NCK2: variants seen among roughly 807,000 people sequenced by gnomAD.
NCK2 encodes the protein NCK adaptor protein 2, also known as cytoplasmic protein NCK2.
Under a neutral mutation model 33.9 loss-of-function variants are expected in NCK2, and 16 were observed. The ratio of observed to expected loss-of-function variants is 0.47; its 90% CI spans 0.32 to 0.72. NCK2 has a LOEUF of 0.72. NCK2 is among the 30% of genes least tolerant of loss of function. The pLI, the probability that NCK2 is intolerant of heterozygous loss-of-function variation, is 0.03. For synonymous variants in NCK2, 273 were observed against 239.9 expected (o/e 1.14, Z -1.27); for missense variants, 418 against 537.3 (o/e 0.78, Z 2.19).
At chr2:105,749,546 T>C (rs1689386234) in intron 1 of NCK2, among the ~76,000 whole-genome samples, 1 of 152,162 alleles carries the variant, frequency 6.6e-6, no homozygotes, top group Non-Finnish European at 1.5e-5. Context: ...GAATTTAGGT[T>C]AAGTCCTTCT....
intron 3 of NCK2, among the ~76,000 whole-genome samples, chr2:105,858,543 A>G (rs953185210): frequency 2.6e-5 from 4 of 152,174 alleles, no homozygotes; most frequent in Non-Finnish European, 5.9e-5. Flanking sequence ...GAGTCCACCT[A>G]ATTCATAAAT....
Position 105,893,156 on chromosome 2 carries a change from C to T in NCK2, c.1123C>T (p.Leu375Phe). 1 of 1,605,258 alleles carries T rather than the reference C, an allele frequency of 6.2e-7. No homozygotes were observed. Among genetic ancestry groups the T allele is most frequent in the Non-Finnish European group, 8.5e-7 (1 of 1,175,786 alleles). ...CAGCGAGCACGGGGAGAAGCTCTAC[C>T]TCGTCAGGGCCCTGCAGTGACGGCG... ...FTSEHGEKLY[L>F]VRALQ The change falls in exon 5 of 5, where the codon CTC (leucine) becomes TTC (phenylalanine). Residue 375 changes from leucine (L) to phenylalanine (F), a missense_variant. Transcript: ENST00000233154.
At position 105,830,053 on chromosome 2, in the gene NCK2, G is replaced by A. The variant is rs899198775; in HGVS notation, c.-17+13440G>A. Among the ~76,000 whole-genome samples, 4 of 152,062 alleles carry A rather than the reference G, an allele frequency of 2.6e-5. No homozygotes were observed. The South Asian group carries it at 8.3e-4, about 32-fold the overall frequency. On this transcript the variant is annotated intron_variant, in intron 2 of 4. Transcript: ENST00000233154. The stretch of plus-strand genomic sequence containing the variant: ...TATAGTGTGTAATGATCAAATCAGG[G>A]TAATTAGCATATTCATTCCCTCAAA...
chr2:105,790,221 A>G (rs1690832261), intron 1 of NCK2, among the ~76,000 whole-genome samples: 1 of 152,250 alleles, frequency 6.6e-6, no homozygotes, highest in Non-Finnish European at 1.5e-5. Context: ...AATAGTGTGC[A>G]TGTCATTAGG....
At chr2:105,890,247 A>G (rs1180072079) in intron 4 of NCK2, among the ~76,000 whole-genome samples, 1 of 152,154 alleles carries the variant, frequency 6.6e-6, no homozygotes, top group Non-Finnish European at 1.5e-5. Flanking sequence ...CACACACACC[A>G]TGATGTTAAA....
At chr2:105,879,706 G>T (rs1445026413) in intron 3 of NCK2, among the ~76,000 whole-genome samples, 1 of 152,244 alleles carries the variant, frequency 6.6e-6, no homozygotes, top group Non-Finnish European at 1.5e-5. Context: ...GCAGTGGGAG[G>T]GGGGCAGCAG....
intron 3 of NCK2, among the ~76,000 whole-genome samples, chr2:105,861,578 A>C (rs1185110675): frequency 3.3e-5 from 5 of 149,258 alleles, no homozygotes; most frequent in East Asian, 3.9e-4. Context: ...GCAGTGGCAC[A>C]ATCTCGGCTC....
rs1211898055 is a variant in NCK2, at chr2:105,852,920, G to GCTTTCCTC, written c.-16-2124_-16-2117dup. On this transcript the variant is annotated intron_variant, in intron 2 of 4. Coordinates refer to ENST00000233154, the MANE Select transcript of NCK2 (RefSeq NM_003581.5). ...TGAATATTGTATATATTATGCAGAG[G>GCTTTCCTC]CTTTCCTCCTTCCCAAAAGGTTTGT... 3.3e-5 allele frequency among the ~76,000 whole-genome samples: 5 copies of GCTTTCCTC among 152,114 alleles called. No homozygotes were observed. The East Asian group carries it at 9.6e-4, about 29-fold the overall frequency.
Position 105,776,894 on chromosome 2 carries a change from T to C in NCK2, c.-201+31756T>C, listed in dbSNP as rs114862238. Among the ~76,000 whole-genome samples, 1,159 of 151,764 alleles carry C rather than the reference T, an allele frequency of 7.6e-3. 20 individuals carry two copies. Among genetic ancestry groups the C allele is most frequent in the African/African-American group, 0.026 (1,076 of 41,376 alleles). ...TGGCCTTGGGGTTCTTCCTGACCCC[T>C]TGGAGCCTCTCTCAGTAAATGGAAA... On this transcript the variant is annotated intron_variant, in intron 1 of 4. Transcript: ENST00000233154.
intron 3 of NCK2, among the ~76,000 whole-genome samples, chr2:105,869,854 A>G (rs1368237394): frequency 1.3e-5 from 2 of 152,192 alleles, no homozygotes; most frequent in African/African-American, 4.8e-5. Flanking sequence ...CTTCATTGGC[A>G]TCTGTGTTCC....
At chr2:105,869,523 C>T (rs986327820) in intron 3 of NCK2, among the ~76,000 whole-genome samples, 1 of 152,234 alleles carries the variant, frequency 6.6e-6, no homozygotes. Context: ...GAAGCTGGCA[C>T]AAGTACGGTT....
chr2:105,876,628 C>T (rs1678244699), intron 3 of NCK2, among the ~76,000 whole-genome samples: 1 of 152,184 alleles, frequency 6.6e-6, no homozygotes, highest in Non-Finnish European at 1.5e-5. Context: ...ATTTGCCTGT[C>T]TTGTTGAGAA....
intron 3 of NCK2, among the ~76,000 whole-genome samples, chr2:105,874,524 T>C (rs1304115854): frequency 2.0e-5 from 3 of 152,270 alleles, no homozygotes; most frequent in African/African-American, 7.2e-5. Flanking sequence ...TGATTAAATT[T>C]GGTTTATGTT....
intron 4 of NCK2, among the ~76,000 whole-genome samples, chr2:105,884,762 C>A (rs1260420461): frequency 6.6e-6 from 1 of 152,204 alleles, no homozygotes; most frequent in African/African-American, 2.4e-5. Context: ...TCTTTCCTGT[C>A]CTGAACTTCA....
rs141402295 is a variant in NCK2, at chr2:105,834,867, G to A, written c.-17+18254G>A. On this transcript the variant is annotated intron_variant, in intron 2 of 4. Transcript: ENST00000233154. ...ATTTTATTTTTATTTTTGTAGAGAT[G>A]GGGTCTCATTGTATTGCCCAGGCTG... Among the ~76,000 whole-genome samples the A allele has an allele frequency of 1.1e-4, 16 of 151,812 alleles. No individual in the cohort carries two copies. The East Asian group carries it at 3.1e-3, about 30-fold the overall frequency.
intron 3 of NCK2, among the ~76,000 whole-genome samples, chr2:105,871,368 C>T (rs1008599832): frequency 2.0e-5 from 3 of 152,034 alleles, no homozygotes; most frequent in Non-Finnish European, 2.9e-5. Context: ...GTGCTCCGCA[C>T]GCTTTGGGAT....
chr2:105,769,647 G>A (rs1163053667), intron 1 of NCK2, among the ~76,000 whole-genome samples: 3 of 152,148 alleles, frequency 2.0e-5, no homozygotes, highest in Non-Finnish European at 4.4e-5. Context: ...GGAACCATGG[G>A]GTAATTAGAG....
intron 4 of NCK2, among the ~76,000 whole-genome samples, chr2:105,886,780 G>A (rs183039233): frequency 8.5e-4 from 129 of 152,314 alleles, no homozygotes; most frequent in African/African-American, 3.0e-3. Context: ...GGGATAGGGA[G>A]GGCTAACCAC....
Position 105,893,305 on chromosome 2 carries a change from C to A in NCK2, c.*129C>A. ...TGCGAGTCTCTCTTTATGTTCAGGT[C>A]GCTTGGTCGGTTCGTCTCCCATTTG... On this transcript the variant is annotated 3_prime_UTR_variant, in exon 5 of 5. Transcript: ENST00000233154. 1.0e-6 allele frequency: 1 copy of A among 959,930 alleles called. No homozygotes were observed. The highest frequency in any genetic ancestry group is 1.5e-6 in the Non-Finnish European group (1 of 666,718). The allele number at this position is 959,930 out of a possible 1,614,324, so 59.5% of individuals were successfully genotyped here. A position where few individuals can be genotyped will look rare whatever the true frequency, so the allele number is the denominator to read the frequency against.
Sources: gnomAD v4.1 joint callset for allele counts (sites outside exome capture counted in the v4.1 genomes callset) on GRCh38, gnomAD v4.1.1 for gene constraint, MANE v1.5 for transcripts, NCBI Gene and HGNC (gene_info 2026-07-23, HGNC 2026-07-21) for gene names.